Variants in CDH23 observed in about 807,000 individuals in gnomAD.
The protein encoded by CDH23 is cadherin-23.
Under a neutral mutation model 317.1 loss-of-function variants are expected in CDH23, and 189 were observed. The observed-to-expected ratio is 0.60, with a 90% CI of 0.53 to 0.67. CDH23 has a LOEUF of 0.67. Ranked by LOEUF, CDH23 falls within the 30% of genes least tolerant of loss-of-function variation. CDH23 has a pLI of 0.00. For missense variants in CDH23, 4,401 were observed against 4,592.4 expected (o/e 0.96, Z 1.20); for synonymous variants, 1,839 against 1,876.8 (o/e 0.98, Z 0.52).
At chr10:71,672,119 G>A (rs930138748) in intron 14 of CDH23, among the ~76,000 whole-genome samples, 13 of 152,190 alleles carry the variant, frequency 8.5e-5, no homozygotes, top group South Asian at 2.1e-4. Context: ...CTGAGTGTGC[G>A]CAGGGAGGAG....
At chr10:71,486,368 G>C (rs565458637) in intron 3 of CDH23, among the ~76,000 whole-genome samples, 6 of 152,170 alleles carry the variant, frequency 3.9e-5, no homozygotes, top group Non-Finnish European at 7.3e-5. Flanking sequence ...CTTCCTGGAG[G>C]GGGTGGGCCT....
At chr10:71,715,794 A>C (rs1422536713) in intron 28 of CDH23, 2 of 749,902 alleles carry the variant, frequency 2.7e-6, no homozygotes, top group Admixed American at 7.3e-5. Flanking sequence ...TGGCCTGGGC[A>C]TGCAAGGAGC....
At chr10:71,761,749 C>T in intron 38 of CDH23, 1 of 1,614,152 alleles carries the variant, frequency 6.2e-7, no homozygotes, top group South Asian at 1.1e-5. Context: ...CGGAGGCCGA[C>T]TCCAGCCCGT....
At chr10:71,731,025 C>T (rs969205014) in intron 31 of CDH23, among the ~76,000 whole-genome samples, 4 of 152,366 alleles carry the variant, frequency 2.6e-5, no homozygotes, top group Middle Eastern at 3.4e-3. Context: ...ACGCAGACCC[C>T]CTGACCCTGT....
At chr10:71,479,974 C>T (rs559668259) in intron 3 of CDH23, among the ~76,000 whole-genome samples, 1 of 152,328 alleles carries the variant, frequency 6.6e-6, no homozygotes, top group African/African-American at 2.4e-5. Flanking sequence ...TCTCTGGATA[C>T]CTGCCTGCCA....
chr10:71,762,614 C>G (rs531527284), intron 38 of CDH23, among the ~76,000 whole-genome samples: 1 of 152,232 alleles, frequency 6.6e-6, no homozygotes, highest in Non-Finnish European at 1.5e-5. Flanking sequence ...CAATCCAATG[C>G]CAGCCCTCAG....
intron 3 of CDH23, among the ~76,000 whole-genome samples, chr10:71,474,395 C>T (rs1467917782): frequency 1.3e-5 from 2 of 152,244 alleles, no homozygotes; most frequent in East Asian, 3.9e-4. Context: ...TCGCCTCCTT[C>T]AGGAAGCCTT....
intron 12 of CDH23, among the ~76,000 whole-genome samples, chr10:71,644,213 G>A (rs1862718675): frequency 1.3e-5 from 2 of 152,246 alleles, no homozygotes; most frequent in Non-Finnish European, 2.9e-5. Flanking sequence ...TTGGGCTGGG[G>A]CTCTGGAGCC....
At chr10:71,478,292 C>A (rs1482252037) in intron 3 of CDH23, among the ~76,000 whole-genome samples, 1 of 152,150 alleles carries the variant, frequency 6.6e-6, no homozygotes, top group Non-Finnish European at 1.5e-5. Context: ...TATGGTTGAC[C>A]CCCTCCCTCC....
chr10:71,578,546 T>C (rs1858393111), intron 9 of CDH23, among the ~76,000 whole-genome samples: 2 of 152,092 alleles, frequency 1.3e-5, no homozygotes, highest in Non-Finnish European at 2.9e-5. Context: ...TTGAGCAGAA[T>C]AGTGACTGAC....
chr10:71,811,291 C>A, intron 62 of CDH23, 24 bp from the exon 63 acceptor site: 1 of 1,613,604 alleles, frequency 6.2e-7, no homozygotes. Context: ...AGGAGGAGAG[C>A]TGAGACCCCT....
At chr10:71,422,184 T>C (rs1279012738) in intron 1 of CDH23, among the ~76,000 whole-genome samples, 1 of 152,198 alleles carries the variant, frequency 6.6e-6, no homozygotes. Flanking sequence ...CCCTACAGTG[T>C]GTACAGAAGT....
rs746934627 is a variant in CDH23, at chr10:71,510,241, C to A, written c.288+17C>A. 49 of 1,610,710 alleles carry A rather than the reference C, an allele frequency of 3.0e-5. No homozygotes were observed. Among genetic ancestry groups the A allele is most frequent in the Non-Finnish European group, 3.9e-5 (46 of 1,178,462 alleles). ...GACAGAGAGGTATGACTTGCCCATACCCCTGCCCCAATTCTCTCCTGGGGA... is the reference window on the plus strand; with the variant it reads ...GACAGAGAGGTATGACTTGCCCATAACCCTGCCCCAATTCTCTCCTGGGGA... On this transcript the variant is annotated intron_variant, in intron 4 of 69. Transcript: ENST00000224721.
intron 9 of CDH23, among the ~76,000 whole-genome samples, chr10:71,583,895 C>G (rs1235463209): frequency 6.6e-6 from 1 of 152,176 alleles, no homozygotes; most frequent in African/African-American, 2.4e-5. Flanking sequence ...AACCCAAGTC[C>G]CTCGGGTTCC....
intron 11 of CDH23, among the ~76,000 whole-genome samples, chr10:71,631,201 C>T (rs942029671): frequency 1.3e-5 from 2 of 152,142 alleles, no homozygotes; most frequent in Admixed American, 6.5e-5. Context: ...TGTGATCACA[C>T]CACTGCACTC....
In CDH23 at chr10:71,590,188, T is replaced by G. The variant is rs148713917; in HGVS notation, c.832+12196T>G. Among the ~76,000 whole-genome samples, 260 of 152,364 alleles carry G rather than the reference T, an allele frequency of 1.7e-3. 3 individuals are homozygous for G. Among genetic ancestry groups the G allele is most frequent in the African/African-American group, 5.9e-3 (245 of 41,590 alleles). On this transcript the variant is annotated intron_variant, in intron 9 of 69. Coordinates refer to ENST00000224721, the MANE Select transcript of CDH23 (RefSeq NM_022124.6). ...CGTCAAATGCTCTGAGTCAATTAAC[T>G]GGCTGCCCCCATTCAAATATTTGAC...
chr10:71,779,875 C>A (rs1840909629), intron 41 of CDH23, among the ~76,000 whole-genome samples: 1 of 152,232 alleles, frequency 6.6e-6, no homozygotes, highest in Non-Finnish European at 1.5e-5. Context: ...CATTCACAGC[C>A]CTCTCCTTGG....
At chr10:71,614,260 T>C (rs1050800151) in intron 9 of CDH23, among the ~76,000 whole-genome samples, 14 of 152,342 alleles carry the variant, frequency 9.2e-5, no homozygotes, top group South Asian at 8.3e-4. Flanking sequence ...CACGCTGACA[T>C]CTGCATGCCC....
At chr10:71,618,109 T>C (rs74145205) in intron 11 of CDH23, among the ~76,000 whole-genome samples, 5,177 of 152,330 alleles carry the variant, frequency 0.034, 310 homozygotes, top group African/African-American at 0.12. Context: ...ATAATGACCT[T>C]AGCAGAAAGT....
Sources: allele counts gnomAD v4.1 joint callset (sites outside exome capture counted in the v4.1 genomes callset), GRCh38; gene constraint gnomAD v4.1.1; transcripts MANE v1.5; gene names NCBI Gene and HGNC (gene_info 2026-07-23, HGNC 2026-07-21).